ZNF718: variants seen among roughly 807,000 people sequenced by gnomAD.
ZNF718 encodes the protein zinc finger protein 718.
ZNF718 carries 3 observed loss-of-function variants against 2.6 expected under a neutral mutation model. That is an observed-to-expected ratio of 1.16 (90% CI 0.53 to 3.01). The LOEUF is 3.01. Among genes scored for constraint, ZNF718 ranks in the 30% most tolerant of loss-of-function variants. The pLI is 0.03. For missense variants in ZNF718, 468 were observed against 230.0 expected (o/e 2.03, Z -6.69); for synonymous variants, 135 against 77.9 (o/e 1.73, Z -3.86).
intron 3 of ZNF718, chr4:142,170 G>T: frequency 2.7e-6 from 1 of 375,250 alleles, no homozygotes. Context: ...TAACCAGGGA[G>T]ATTTCTCCCA....
At chr4:138,168 A>G (rs149769569) in intron 3 of ZNF718, among the ~76,000 whole-genome samples, 2 of 152,322 alleles carry the variant, frequency 1.3e-5, no homozygotes, top group East Asian at 3.9e-4. Context: ...TTAGTTATTT[A>G]AAAATGTACA....
chr4:170,746 G>A (rs1198597895), intron 3 of ZNF718, among the ~76,000 whole-genome samples: 2 of 151,954 alleles, frequency 1.3e-5, no homozygotes, highest in African/African-American at 2.4e-5. Flanking sequence ...TTAGCCATTC[G>A]TCTAATTTTT....
chr4:170,308 G>A (rs934709993), intron 3 of ZNF718, among the ~76,000 whole-genome samples: 12 of 152,018 alleles, frequency 7.9e-5, no homozygotes, highest in African/African-American at 2.7e-4. Flanking sequence ...ACTTCAGTGA[G>A]TCTGACAATT....
chr4:124,660 G>A lies in ZNF718; in HGVS notation c.-11G>A, dbSNP rs1560105955. The A allele has an allele frequency of 1.2e-6, 2 of 1,608,870 alleles. No homozygotes were observed. Reference sequence around the variant, plus strand: ...GTATCTAAGACTCTGGGACACTCCTGAAGTCGGGAAATGGTGAGTGTGCAG... The same window carrying A: ...GTATCTAAGACTCTGGGACACTCCTAAAGTCGGGAAATGGTGAGTGTGCAG... On this transcript the variant is annotated 5_prime_UTR_variant, in exon 1 of 4. Coordinates refer to ENST00000510175, the MANE Select transcript of ZNF718 (RefSeq NM_001039127.6).
At chr4:166,303 T>C (rs1351550404), downstream of ZNF718, among the ~76,000 whole-genome samples, 2 of 152,240 alleles carry the variant, frequency 1.3e-5, no homozygotes, top group Non-Finnish European at 2.9e-5. Flanking sequence ...AGTGCTGCGA[T>C]AAACATATGT....
chr4:198,884 T>TA (rs1482863439), intron 3 of ZNF718, among the ~76,000 whole-genome samples: 3 of 152,192 alleles, frequency 2.0e-5, no homozygotes, highest in Admixed American at 6.5e-5. Context: ...CATAACATGT[T>TA]ACATTATTAA....
intron 3 of ZNF718, among the ~76,000 whole-genome samples, chr4:142,931 A>G (rs1194992514): frequency 1.3e-5 from 2 of 152,220 alleles, no homozygotes; most frequent in Admixed American, 6.5e-5. Context: ...TTTCCTCCCA[A>G]TAGTCATAAT....
At chr4:173,450 T>G (rs1350283212) in intron 3 of ZNF718, among the ~76,000 whole-genome samples, 2 of 152,228 alleles carry the variant, frequency 1.3e-5, no homozygotes, top group Non-Finnish European at 2.9e-5. Context: ...ACTTTAAATT[T>G]TTAATCTTTG....
intron 3 of ZNF718, among the ~76,000 whole-genome samples, chr4:199,777 C>T (rs560869804): frequency 1.3e-5 from 2 of 152,288 alleles, no homozygotes; most frequent in Admixed American, 6.5e-5. Flanking sequence ...TCACCTCCTG[C>T]CTTTTGCCCA....
chr4:138,594 C>T (rs1295590244), intron 3 of ZNF718, among the ~76,000 whole-genome samples: 1 of 152,112 alleles, frequency 6.6e-6, no homozygotes, highest in African/African-American at 2.4e-5. Context: ...GAAAATGGAG[C>T]TTCAAATATC....
chr4:192,131 G>A (rs1198986996), intron 3 of ZNF718, among the ~76,000 whole-genome samples: 2 of 152,180 alleles, frequency 1.3e-5, no homozygotes, highest in African/African-American at 4.8e-5. Flanking sequence ...GAAGTCAGTG[G>A]TGGGTCTGCG....
intron 3 of ZNF718, among the ~76,000 whole-genome samples, chr4:199,608 G>C (rs1412000437): frequency 6.6e-6 from 1 of 152,252 alleles, no homozygotes; most frequent in African/African-American, 2.4e-5. Flanking sequence ...AGAGAGATAA[G>C]ATTCCTTTAC....
chr4:161,941 G>T lies in ZNF718; in HGVS notation c.1256G>T (p.Gly419Val), dbSNP rs781789979. ...CATAATCATAAGAAAATTCATACTG[G>T]AGAGAAACCCTACATATGTAAACAA... ...NLHNHKKIHT[G>V]EKPYICKQCG... Residue 419 changes from glycine (G) to valine (V), a missense_variant, in exon 4 of 4, where the codon GGA becomes GTA. Transcript: ENST00000510175. 1.3e-6 allele frequency: 1 copy of T among 779,946 alleles called. No individual in the cohort carries two copies. Among genetic ancestry groups the T allele is most frequent in the Non-Finnish European group, 2.4e-6 (1 of 417,566 alleles). The allele number at this position is 779,946 out of a possible 1,614,324, so 48.3% of individuals were successfully genotyped here.
At chr4:183,647 G>T (rs1251121708) in intron 3 of ZNF718, among the ~76,000 whole-genome samples, 6 of 152,138 alleles carry the variant, frequency 3.9e-5, no homozygotes, top group African/African-American at 1.4e-4. Flanking sequence ...GGCATGGAAT[G>T]TATTTCCATT....
intron 3 of ZNF718, among the ~76,000 whole-genome samples, chr4:143,614 A>G (rs1553810631): frequency 6.6e-6 from 1 of 152,250 alleles, no homozygotes; most frequent in Non-Finnish European, 1.5e-5. Flanking sequence ...CATAAATTCT[A>G]GAACAAATCA....
At chr4:197,264 T>G (rs1717809989) in intron 3 of ZNF718, among the ~76,000 whole-genome samples, 1 of 151,978 alleles carries the variant, frequency 6.6e-6, no homozygotes, top group Non-Finnish European at 1.5e-5. Flanking sequence ...TATATTCCAT[T>G]GCTTCTTTGA....
chr4:139,896 A>C (rs1191646758), intron 3 of ZNF718, among the ~76,000 whole-genome samples: 1 of 152,176 alleles, frequency 6.6e-6, no homozygotes, highest in Non-Finnish European at 1.5e-5. Flanking sequence ...TTCCGTGCAG[A>C]GAAGGCTGAC....
chr4:171,181 G>A (rs1717218945), intron 3 of ZNF718, among the ~76,000 whole-genome samples: 1 of 152,200 alleles, frequency 6.6e-6, no homozygotes, highest in Admixed American at 6.5e-5. Context: ...AACAGCAGAT[G>A]TTGCTGCCTG....
intron 3 of ZNF718, among the ~76,000 whole-genome samples, chr4:193,861 G>A (rs1192811996): frequency 6.6e-6 from 1 of 152,226 alleles, no homozygotes; most frequent in East Asian, 1.9e-4. Context: ...CCCTGGGGCA[G>A]TGGGCCTTAC....
Sources: gnomAD v4.1 joint callset for allele counts (sites outside exome capture counted in the v4.1 genomes callset) on GRCh38, gnomAD v4.1.1 for gene constraint, MANE v1.5 for transcripts, NCBI Gene and HGNC (gene_info 2026-07-23, HGNC 2026-07-21) for gene names.